TMEM132C: variants seen among roughly 807,000 people sequenced by gnomAD.
The protein encoded by TMEM132C is protein phosphatase 1, regulatory subunit 152.
A neutral mutation model predicts 61.4 loss-of-function variants in TMEM132C; 29 were observed. That is an observed-to-expected ratio of 0.47 (90% CI 0.35 to 0.64). The LOEUF (loss-of-function observed/expected upper bound fraction) is 0.64. TMEM132C is among the 30% of genes least tolerant of loss of function. TMEM132C has a pLI of 0.00. For missense variants in TMEM132C, 1,408 were observed against 1,476.9 expected (o/e 0.95, Z 0.76); for synonymous variants, 656 against 633.1 (o/e 1.04, Z -0.54).
At position 128,415,887 on chromosome 12, in the gene TMEM132C, C is replaced by G. The variant is rs1305828846; in HGVS notation, c.974+267C>G. 6.6e-6 allele frequency among the ~76,000 whole-genome samples: 1 copy of G among 152,114 alleles called. No homozygotes were observed. Among genetic ancestry groups the G allele is most frequent in the Non-Finnish European group, 1.5e-5 (1 of 68,028 alleles). On this transcript the variant is annotated intron_variant, in intron 2 of 8. Coordinates refer to ENST00000435159, the MANE Select transcript of TMEM132C (RefSeq NM_001136103.3). This position sits in a 1 kb window ranked among gnomAD's most constrained non-coding sequence, Gnocchi z 5.8. The stretch of plus-strand genomic sequence containing the variant: ...GATGAGAGTAATCCGCCTCTCTAGA[C>G]CTTCAGTTATCCTCACACTTGGAGA...
chr12:128,638,787 G>T (rs1954121701), intron 4 of TMEM132C, among the ~76,000 whole-genome samples: 1 of 152,168 alleles, frequency 6.6e-6, no homozygotes, highest in South Asian at 2.1e-4. Context: ...CTGTAAGGCT[G>T]CTGGTGGTGA....
chr12:128,702,142 C>T (rs931927737), intron 8 of TMEM132C, among the ~76,000 whole-genome samples: 5 of 152,036 alleles, frequency 3.3e-5, no homozygotes, highest in Non-Finnish European at 7.4e-5. Flanking sequence ...TCAGGTGATC[C>T]GCCCACCTCG....
chr12:128,490,199 G>A (rs745446753), intron 2 of TMEM132C, among the ~76,000 whole-genome samples: 1 of 152,206 alleles, frequency 6.6e-6, no homozygotes, highest in African/African-American at 2.4e-5. Context: ...GTGTGAAAGA[G>A]ACTGGGTTTT....
At chr12:128,295,041 CA>C (rs10653858) in intron 1 of TMEM132C, among the ~76,000 whole-genome samples, 34,104 of 148,632 alleles carry the variant, frequency 0.23, 4,355 homozygotes, top group East Asian at 0.5. Context: ...TGTCCCCCAG[CA>C]AAAAAAAAAA....
At chr12:128,322,251 C>T (rs978698869) in intron 1 of TMEM132C, among the ~76,000 whole-genome samples, 2 of 152,168 alleles carry the variant, frequency 1.3e-5, no homozygotes, top group African/African-American at 4.8e-5. Flanking sequence ...GTAAGTGTTC[C>T]CGCTGACAGT....
intron 3 of TMEM132C, among the ~76,000 whole-genome samples, chr12:128,584,437 G>A (rs1356160056): frequency 1.3e-5 from 2 of 152,100 alleles, no homozygotes; most frequent in Admixed American, 6.6e-5. Flanking sequence ...CTGTATTTTT[G>A]CCCTTAGCAT....
At position 128,672,381 on chromosome 12, in the gene TMEM132C, T is replaced by TTTTCTAGAGGTAAAG. The variant is rs1566010786; in HGVS notation, c.1449+2821_1449+2822insTTTCTAGAGGTAAAG. Among the ~76,000 whole-genome samples, 18 of 152,042 alleles carry TTTTCTAGAGGTAAAG rather than the reference T, an allele frequency of 1.2e-4. No homozygotes were observed. The East Asian group carries it at 3.3e-3, about 28-fold the overall frequency. ...TACTGATAACTTTTCTAGAGGTAAA[T>TTTTCTAGAGGTAAAG]AACCTTTCAGCCTACAAAAACCAAG... On this transcript the variant is annotated intron_variant, in intron 5 of 8. Coordinates refer to ENST00000435159, the MANE Select transcript of TMEM132C (RefSeq NM_001136103.3).
rs1954833176 is a variant in TMEM132C at position 128,705,675 on chromosome 12, A to G, written c.2707A>G (p.Lys903Glu). Residue 903 changes from lysine to glutamate, a missense_variant, in exon 9 of 9, where the codon AAG becomes GAG. Physicochemically the swap from Lys to Glu is moderately conservative, Grantham distance 56. Transcript: ENST00000435159. ...TNFPAHVDLP[K>E]AGSGLEENDL... ...CTTCCCTGCCCACGTGGACCTCCCC[A>G]AGGCCGGGAGTGGGCTGGAGGAAAA... 1 of 1,551,208 alleles carries G rather than the reference A, an allele frequency of 6.4e-7. No homozygotes were observed. The highest frequency in any genetic ancestry group is 1.4e-5 in the African/African-American group (1 of 73,036).
At chr12:128,648,818 A>G (rs965145350) in intron 4 of TMEM132C, among the ~76,000 whole-genome samples, 7 of 149,932 alleles carry the variant, frequency 4.7e-5, no homozygotes, top group African/African-American at 1.7e-4. Context: ...AGAGTCCATC[A>G]GCATTGGATG....
chr12:128,514,882 A>G (rs1872672063), intron 2 of TMEM132C, among the ~76,000 whole-genome samples: 1 of 152,358 alleles, frequency 6.6e-6, no homozygotes, highest in South Asian at 2.1e-4. Flanking sequence ...CAGACAACTA[A>G]CAAATAAATG....
At chr12:128,495,668 T>C (rs11534802) in intron 2 of TMEM132C, among the ~76,000 whole-genome samples, 5 of 150,734 alleles carry the variant, frequency 3.3e-5, no homozygotes, top group African/African-American at 9.8e-5. Context: ...TGCCTTTTTT[T>C]GTTTTCCATT....
chr12:128,466,042 C>CG (rs112161557), intron 2 of TMEM132C, among the ~76,000 whole-genome samples: 1 of 151,792 alleles, frequency 6.6e-6, no homozygotes, highest in African/African-American at 2.4e-5. Flanking sequence ...AAAATTAATG[C>CG]CAAAAAAACC....
chr12:128,349,307 C>T (rs577069831), intron 1 of TMEM132C, among the ~76,000 whole-genome samples: 1 of 152,200 alleles, frequency 6.6e-6, no homozygotes, highest in South Asian at 2.1e-4. Context: ...CCAGCTGAGC[C>T]CTTGTTTTTA....
At chr12:128,451,947 G>A (rs1232355464) in intron 2 of TMEM132C, among the ~76,000 whole-genome samples, 2 of 151,902 alleles carry the variant, frequency 1.3e-5, no homozygotes, top group African/African-American at 2.4e-5. Flanking sequence ...TAAAAATACA[G>A]TGATAAGTTG....
intron 3 of TMEM132C, among the ~76,000 whole-genome samples, chr12:128,565,556 C>T (rs1874666034): frequency 6.6e-6 from 1 of 152,142 alleles, no homozygotes; most frequent in African/African-American, 2.4e-5. Flanking sequence ...CTTTATGGAA[C>T]TTTATAATTT....
At chr12:128,331,270 C>T (rs1412864399) in intron 1 of TMEM132C, among the ~76,000 whole-genome samples, 1 of 152,154 alleles carries the variant, frequency 6.6e-6, no homozygotes, top group Non-Finnish European at 1.5e-5. Flanking sequence ...AATATATGCA[C>T]ATCAATAAGC....
At chr12:128,357,242 G>A (rs893883175) in intron 1 of TMEM132C, among the ~76,000 whole-genome samples, 8 of 152,030 alleles carry the variant, frequency 5.3e-5, no homozygotes, top group Non-Finnish European at 1.0e-4. Flanking sequence ...CTGTCATCCC[G>A]TCCTATCCCT....
chr12:128,459,798 T>C lies in TMEM132C; in HGVS notation c.974+44178T>C, dbSNP rs149086131. 4.2e-3 allele frequency among the ~76,000 whole-genome samples: 598 copies of C among 140,748 alleles called. 6 individuals carry two copies. The highest frequency in any genetic ancestry group is 0.015 in the African/African-American group (572 of 37,640). The allele number at this position is 140,748 out of a possible 152,430, so 92.3% of individuals were successfully genotyped here. On this transcript the variant is annotated intron_variant, in intron 2 of 8. Transcript: ENST00000435159. Reference sequence around the variant, plus strand: ...TATTCGGGAGGCTGAGGCAGGGGAATCACTTGAACCAGGGAGTGGGAGGTT... The same window carrying C: ...TATTCGGGAGGCTGAGGCAGGGGAACCACTTGAACCAGGGAGTGGGAGGTT...
chr12:128,587,238 T>C (rs1273484998), intron 3 of TMEM132C, among the ~76,000 whole-genome samples: 1 of 152,180 alleles, frequency 6.6e-6, no homozygotes, highest in Non-Finnish European at 1.5e-5. Flanking sequence ...CTGGGTGGCT[T>C]ATGAAGAGCA....
Sources: gnomAD v4.1 joint callset for allele counts (sites outside exome capture counted in the v4.1 genomes callset) on GRCh38, gnomAD v4.1.1 for gene constraint, Gnocchi (gnomAD v3.1) non-coding constraint, MANE v1.5 for transcripts, NCBI Gene and HGNC (gene_info 2026-07-23, HGNC 2026-07-21) for gene names.